The following BORCS5 variants were observed in gnomAD, a reference collection of about 807,000 sequenced individuals.
BORCS5 encodes BLOC-1-related complex subunit 5.
Under a neutral mutation model 22.1 loss-of-function variants are expected in BORCS5, and 17 were observed. That is an observed-to-expected ratio of 0.77 (90% CI 0.53 to 1.15). BORCS5 has a LOEUF of 1.15. BORCS5 is among the 50% of genes most tolerant of loss of function. The pLI, the probability that BORCS5 is intolerant of heterozygous loss-of-function variation, is 0.00. For missense variants in BORCS5, 247 were observed against 253.2 expected, an observed-to-expected ratio of 0.98 and a Z score of 0.17; for synonymous variants, 117 against 99.8, an observed-to-expected ratio of 1.17 and a Z score of -1.03.
chr12:12,365,557 C>T (rs1415127725), intron 2 of BORCS5, among the ~76,000 whole-genome samples: 1 of 141,876 alleles, frequency 7.0e-6, no homozygotes, highest in African/African-American at 2.5e-5. Flanking sequence ...ATGAGAGTGG[C>T]GTGAATCTAG....
chr12:12,372,932 C>T (rs979965172), intron 2 of BORCS5, among the ~76,000 whole-genome samples: 8 of 152,316 alleles, frequency 5.3e-5, no homozygotes, highest in African/African-American at 1.9e-4. Flanking sequence ...TTTCTGCAAA[C>T]TTTGCTCTCT....
intron 2 of BORCS5, among the ~76,000 whole-genome samples, chr12:12,382,894 G>A (rs891116469): frequency 1.3e-5 from 2 of 151,222 alleles, no homozygotes; most frequent in Admixed American, 6.6e-5. Flanking sequence ...TCTAAGGTGT[G>A]TCTTTTGTAA....
intron 2 of BORCS5, among the ~76,000 whole-genome samples, chr12:12,362,466 A>G (rs1469695765): frequency 2.0e-5 from 3 of 152,034 alleles, no homozygotes; most frequent in African/African-American, 4.8e-5. Flanking sequence ...CACAACATGC[A>G]GGTTTGTTAC....
intron 3 of BORCS5, among the ~76,000 whole-genome samples, chr12:12,441,995 T>C (rs1274048839): frequency 6.6e-6 from 1 of 152,182 alleles, no homozygotes; most frequent in Non-Finnish European, 1.5e-5. Flanking sequence ...AGGATTCAAG[T>C]TGACAGACAC....
chr12:12,417,017 T>C (rs2136098553), intron 2 of BORCS5, among the ~76,000 whole-genome samples: 1 of 151,702 alleles, frequency 6.6e-6, no homozygotes, highest in East Asian at 1.9e-4. Context: ...TCTTGAACAC[T>C]TGACCTCAAG....
intron 2 of BORCS5, among the ~76,000 whole-genome samples, chr12:12,428,244 C>T (rs1408562584): frequency 1.3e-5 from 2 of 152,154 alleles, no homozygotes; most frequent in African/African-American, 4.8e-5. Flanking sequence ...CTGTGGGTTT[C>T]CCCCCACCTG....
intron 2 of BORCS5, among the ~76,000 whole-genome samples, chr12:12,361,736 T>G (rs1441880919): frequency 6.6e-6 from 1 of 152,232 alleles, no homozygotes; most frequent in Non-Finnish European, 1.5e-5. Context: ...CCCTGTTATA[T>G]TCCCATGGAA....
intron 3 of BORCS5, among the ~76,000 whole-genome samples, chr12:12,451,239 C>G (rs1420953154): frequency 1.3e-5 from 2 of 150,930 alleles, no homozygotes; most frequent in Non-Finnish European, 2.9e-5. Context: ...AAAATTATTG[C>G]TAAAGTAGGT....
intron 3 of BORCS5, among the ~76,000 whole-genome samples, chr12:12,438,380 AC>A (rs1454331063): frequency 1.8e-4 from 23 of 125,370 alleles, no homozygotes; most frequent in African/African-American, 4.3e-4. Flanking sequence ...AAAAAAAAAA[AC>A]GAAAAACAAC....
chr12:12,357,131 G>T lies in BORCS5; in HGVS notation c.-321G>T, dbSNP rs756276671. On this transcript the variant is annotated 5_prime_UTR_variant, in exon 1 of 4. Coordinates refer to ENST00000314565, the MANE Select transcript of BORCS5 (RefSeq NM_058169.6). Reference sequence around the variant, plus strand: ...GGAGCGTGAACCAGTGAGTGAAAGCGGCGCCGCCCGCCGGCCGCAGGTGCG... The same window carrying T: ...GGAGCGTGAACCAGTGAGTGAAAGCTGCGCCGCCCGCCGGCCGCAGGTGCG... 20 of 1,533,736 alleles carry T rather than the reference G, an allele frequency of 1.3e-5. No individual in the cohort carries two copies. The South Asian group carries it at 2.1e-4, about 16-fold the overall frequency.
intron 3 of BORCS5, among the ~76,000 whole-genome samples, chr12:12,456,979 A>T (rs1018222974): frequency 6.6e-6 from 1 of 151,992 alleles, no homozygotes; most frequent in African/African-American, 2.4e-5. Context: ...TGTTGTGTCT[A>T]TTTGGATATC....
chr12:12,422,624 A>C (rs1293632835), intron 2 of BORCS5, among the ~76,000 whole-genome samples: 2 of 152,072 alleles, frequency 1.3e-5, no homozygotes, highest in African/African-American at 4.8e-5. Context: ...AAAGTAAAAG[A>C]ATAAGGAATG....
chr12:12,370,840 C>T (rs906273877), intron 2 of BORCS5, among the ~76,000 whole-genome samples: 2 of 152,046 alleles, frequency 1.3e-5, no homozygotes, highest in African/African-American at 4.8e-5. Context: ...GCTCTGCCTC[C>T]TGGGTTCACG....
intron 3 of BORCS5, among the ~76,000 whole-genome samples, chr12:12,443,556 C>G (rs1942725139): frequency 6.6e-6 from 1 of 152,188 alleles, no homozygotes; most frequent in African/African-American, 2.4e-5. Context: ...TGGGCCTGGC[C>G]CCACACTTCC....
chr12:12,412,119 A>G (rs1941750555), intron 2 of BORCS5, among the ~76,000 whole-genome samples: 1 of 152,192 alleles, frequency 6.6e-6, no homozygotes, highest in Non-Finnish European at 1.5e-5. Context: ...TTGAGATTCC[A>G]TATGAATTTT....
chr12:12,438,360 C>CAAAAAAAAAAAAAAA (rs57737663), intron 3 of BORCS5, among the ~76,000 whole-genome samples: 19 of 23,796 alleles, frequency 8.0e-4, no homozygotes, highest in Non-Finnish European at 1.0e-3. Context: ...GATTTCATCT[C>CAAAAAAAAAAAAAAA]AAAAAAAAAA....
At chr12:12,385,757 C>G (rs1255582048) in intron 2 of BORCS5, among the ~76,000 whole-genome samples, 2 of 151,262 alleles carry the variant, frequency 1.3e-5, no homozygotes, top group Admixed American at 1.3e-4. Context: ...ATCCGCCTGC[C>G]TCGGCCTCCC....
intron 3 of BORCS5, among the ~76,000 whole-genome samples, chr12:12,455,534 CT>C (rs899380223): frequency 3.9e-5 from 6 of 152,138 alleles, no homozygotes; most frequent in Non-Finnish European, 8.8e-5. Flanking sequence ...AATCCCAGTA[CT>C]TTGGAAGGAC....
chr12:12,434,281 C>CAAA (rs139357200), intron 2 of BORCS5, among the ~76,000 whole-genome samples: 26 of 76,538 alleles, frequency 3.4e-4, no homozygotes, highest in South Asian at 1.6e-3. Flanking sequence ...GACTCTGTCT[C>CAAA]AAAAAAAAAA....
Sources: allele counts gnomAD v4.1 joint callset (sites outside exome capture counted in the v4.1 genomes callset), GRCh38; gene constraint gnomAD v4.1.1; transcripts MANE v1.5; gene names NCBI Gene and HGNC (gene_info 2026-07-23, HGNC 2026-07-21).